Variants in PLCB1 observed in about 807,000 individuals in gnomAD.
PLCB1 encodes 1-phosphatidylinositol 4,5-bisphosphate phosphodiesterase beta-1.
PLCB1 carries 46 observed loss-of-function variants against 161.8 expected under a neutral mutation model. That is an observed-to-expected ratio of 0.28 (90% CI 0.22 to 0.36). PLCB1 has a LOEUF of 0.36. PLCB1 is among the 10% of genes least tolerant of loss of function. The probability of loss-of-function intolerance (pLI) is 1.00; values close to 1 mark genes in which losing one functional copy is unlikely to be tolerated. For missense variants in PLCB1, 1,016 were observed against 1,472.5 expected (o/e 0.69, Z 5.07); for synonymous variants, 517 against 503.7 (o/e 1.03, Z -0.35).
chr20:8,572,057 G>C (rs1339866285), intron 3 of PLCB1, among the ~76,000 whole-genome samples: 1 of 152,038 alleles, frequency 6.6e-6, no homozygotes, highest in Admixed American at 6.6e-5. Flanking sequence ...TTTATTACGA[G>C]TTTTAACATT....
At chr20:8,343,607 C>T (rs1008409634) in intron 2 of PLCB1, among the ~76,000 whole-genome samples, 14 of 152,288 alleles carry the variant, frequency 9.2e-5, no homozygotes, top group African/African-American at 3.1e-4. Flanking sequence ...TAACGATTCT[C>T]AATGGATCAT....
chr20:8,146,176 T>C (rs1243535401), intron 1 of PLCB1, among the ~76,000 whole-genome samples: 1 of 151,722 alleles, frequency 6.6e-6, no homozygotes. Flanking sequence ...CTATCTGCAA[T>C]ATTGAAGTGT....
At chr20:8,183,156 A>G (rs1323871617) in intron 2 of PLCB1, among the ~76,000 whole-genome samples, 1 of 152,156 alleles carries the variant, frequency 6.6e-6, no homozygotes, top group Non-Finnish European at 1.5e-5. Flanking sequence ...TAATAGATAC[A>G]TGATCCATCT....
intron 2 of PLCB1, among the ~76,000 whole-genome samples, chr20:8,361,990 A>G (rs1190804580): frequency 6.6e-6 from 1 of 152,238 alleles, no homozygotes; most frequent in African/African-American, 2.4e-5. Flanking sequence ...GATTAGTCTG[A>G]AATGAGGAAT....
chr20:8,229,809 G>T (rs1243940756), intron 2 of PLCB1, among the ~76,000 whole-genome samples: 1 of 151,228 alleles, frequency 6.6e-6, no homozygotes, highest in Non-Finnish European at 1.5e-5. Flanking sequence ...GGTCGCTTGA[G>T]CCCAGGAGTT....
chr20:8,224,377 C>T (rs1249786488), intron 2 of PLCB1, among the ~76,000 whole-genome samples: 1 of 123,886 alleles, frequency 8.1e-6, no homozygotes, highest in Non-Finnish European at 1.9e-5. Flanking sequence ...AAGACCTAAA[C>T]ATTAAAGTAT....
chr20:8,189,324 AAT>A (rs60983684), intron 2 of PLCB1, among the ~76,000 whole-genome samples: 5,047 of 145,156 alleles, frequency 0.035, 190 homozygotes, highest in African/African-American at 0.095. Flanking sequence ...TAACTATTTT[AAT>A]ATATATATAT....
At chr20:8,274,041 A>G (rs1982410928) in intron 2 of PLCB1, among the ~76,000 whole-genome samples, 1 of 152,202 alleles carries the variant, frequency 6.6e-6, no homozygotes, top group Non-Finnish European at 1.5e-5. Context: ...GAAGTGATGA[A>G]TGGAGGCAGA....
At chr20:8,619,525 C>T (rs1988122290) in intron 3 of PLCB1, among the ~76,000 whole-genome samples, 1 of 152,068 alleles carries the variant, frequency 6.6e-6, no homozygotes, top group African/African-American at 2.4e-5. Flanking sequence ...TCAGACTCCA[C>T]AAAAATGTAT....
intron 3 of PLCB1, among the ~76,000 whole-genome samples, chr20:8,455,432 C>CTCT (rs1365729968): frequency 1.3e-5 from 1 of 74,166 alleles, no homozygotes; most frequent in African/African-American, 6.4e-5. Flanking sequence ...TATTCTTCCT[C>CTCT]TTTTTTTTTT....
At chr20:8,834,595 A>C (rs1568618168) in intron 31 of PLCB1, among the ~76,000 whole-genome samples, 1 of 152,058 alleles carries the variant, frequency 6.6e-6, no homozygotes, top group Non-Finnish European at 1.5e-5. Context: ...CGGCCAGATC[A>C]CTTGAAGTCA....
intron 2 of PLCB1, among the ~76,000 whole-genome samples, chr20:8,186,072 A>T (rs2051901572): frequency 6.6e-6 from 1 of 152,030 alleles, no homozygotes; most frequent in Non-Finnish European, 1.5e-5. Context: ...TTCACCCTAT[A>T]CTTCGCTTTT....
At chr20:8,360,750 T>C (rs1372768076) in intron 2 of PLCB1, among the ~76,000 whole-genome samples, 2 of 152,196 alleles carry the variant, frequency 1.3e-5, no homozygotes, top group Non-Finnish European at 2.9e-5. Flanking sequence ...GCAAATCTTC[T>C]TTGAAAGGGA....
chr20:8,281,248 T>G (rs1254323865), intron 2 of PLCB1, among the ~76,000 whole-genome samples: 1 of 152,216 alleles, frequency 6.6e-6, no homozygotes, highest in African/African-American at 2.4e-5. Context: ...AGGTGTGTTT[T>G]GGAGATGTTA....
intron 16 of PLCB1, among the ~76,000 whole-genome samples, chr20:8,725,425 T>C (rs1475035292): frequency 6.6e-6 from 1 of 152,150 alleles, no homozygotes; most frequent in Admixed American, 6.6e-5. Context: ...TAGCCACTTA[T>C]AAGGGTGTAC....
At chr20:8,479,550 C>T (rs1295067740) in intron 3 of PLCB1, among the ~76,000 whole-genome samples, 1 of 152,116 alleles carries the variant, frequency 6.6e-6, no homozygotes, top group South Asian at 2.1e-4. Context: ...CTTAATAGAC[C>T]GCAGGCTCCT....
chr20:8,806,337 G>A (rs150443588), intron 31 of PLCB1, among the ~76,000 whole-genome samples: 24 of 152,094 alleles, frequency 1.6e-4, no homozygotes, highest in African/African-American at 5.5e-4. Flanking sequence ...CTGCACAGTT[G>A]GGTTAAGATA....
In PLCB1 at chr20:8,881,884, A is replaced by C. The variant is rs774450861; in HGVS notation, c.*35A>C. ...CCAGGCCTTCAGAAATTGCATGGCC[A>C]CTCCAGCGTCATCGGACTCTCTCTT... On this transcript the variant is annotated 3_prime_UTR_variant, in exon 32 of 32. Coordinates refer to ENST00000338037, the MANE Select transcript of PLCB1 (RefSeq NM_015192.4). The C allele has an allele frequency of 1.5e-6, 2 of 1,338,884 alleles. No homozygotes were observed. The highest frequency in any genetic ancestry group is 2.1e-6 in the Non-Finnish European group (2 of 930,622). 82.9% of individuals were successfully genotyped at this position (1,338,884 alleles called of 1,614,324 possible).
chr20:8,678,610 A>C (rs2123381351), intron 9 of PLCB1, among the ~76,000 whole-genome samples: 1 of 152,288 alleles, frequency 6.6e-6, no homozygotes, highest in East Asian at 1.9e-4. Context: ...TGTCTCCTGA[A>C]GTGGTATCTG....
Sources: gnomAD v4.1 joint callset for allele counts (sites outside exome capture counted in the v4.1 genomes callset) on GRCh38, gnomAD v4.1.1 for gene constraint, MANE v1.5 for transcripts, NCBI Gene and HGNC (gene_info 2026-07-23, HGNC 2026-07-21) for gene names.